Variants in KLRD1 observed in about 807,000 individuals in gnomAD.
KLRD1 encodes killer cell lectin like receptor D1, also known as natural killer cells antigen CD94.
In KLRD1, 21 loss-of-function variants were observed where a neutral mutation model predicts 22.6. The observed-to-expected ratio is 0.93, with a 90% CI of 0.66 to 1.34. The LOEUF is 1.34. KLRD1 is among the 40% of genes most tolerant of loss of function. The pLI, the probability that KLRD1 is intolerant of heterozygous loss-of-function variation, is 0.00. For missense variants in KLRD1, 183 were observed against 208.6 expected, an observed-to-expected ratio of 0.88 and a Z score of 0.76; for synonymous variants, 59 against 71.1, an observed-to-expected ratio of 0.83 and a Z score of 0.85.
chr12:10,272,507 T>G (rs1337251139), intron 1 of KLRD1, among the ~76,000 whole-genome samples: 2 of 152,220 alleles, frequency 1.3e-5, no homozygotes, highest in African/African-American at 4.8e-5. Flanking sequence ...GAAGAGATGA[T>G]TTAGCAATAA....
At chr12:10,243,509 G>A (rs903616664) in intron 1 of KLRD1, among the ~76,000 whole-genome samples, 3 of 149,118 alleles carry the variant, frequency 2.0e-5, no homozygotes, top group Admixed American at 1.4e-4. Flanking sequence ...AGCTACTCAG[G>A]AGGCTGAGGC....
intron 1 of KLRD1, among the ~76,000 whole-genome samples, chr12:10,276,650 T>C (rs999270834): frequency 4.7e-5 from 7 of 149,810 alleles, no homozygotes; most frequent in African/African-American, 1.7e-4. Flanking sequence ...TGCCTCAGCC[T>C]CCCGAGTAGC....
At chr12:10,250,201 CTTTTTTTTTTTTTTTT>C (rs137861212) in intron 1 of KLRD1, among the ~76,000 whole-genome samples, 1 of 94,566 alleles carries the variant, frequency 1.1e-5, no homozygotes, top group Non-Finnish European at 2.0e-5. Flanking sequence ...TAACGTTTTG[CTTTTTTTTTTTTTTTT>C]TTTTTTTTTT....
intron 1 of KLRD1, among the ~76,000 whole-genome samples, chr12:10,262,969 CCAGG>C (rs1458026652): frequency 2.0e-5 from 3 of 151,780 alleles, no homozygotes; most frequent in African/African-American, 4.8e-5. Context: ...GTTAGTTAAC[CCAGG>C]CAGTCAGGAA....
chr12:10,250,031 C>T (rs769726828), intron 1 of KLRD1, among the ~76,000 whole-genome samples: 11 of 152,092 alleles, frequency 7.2e-5, no homozygotes, highest in African/African-American at 2.4e-4. Flanking sequence ...GTTGTACATA[C>T]GTTGTCCGTC....
chr12:10,295,192 C>T (rs549309640), intron 1 of KLRD1, among the ~76,000 whole-genome samples: 16 of 152,264 alleles, frequency 1.1e-4, no homozygotes, highest in African/African-American at 2.9e-4. Flanking sequence ...TGATGTGAAC[C>T]ATGGCTGTTG....
chr12:10,325,473 A>T lies in KLRD1; in HGVS notation c.*10680A>T, dbSNP rs1950352205. ...GTTGTATAGTAGATCTCTATAATTT[A>T]TTCATCTTGCATAATTGAGGCTTTA... is the stretch of plus-strand genomic sequence containing the variant. On this transcript the variant is annotated 3_prime_UTR_variant, in exon 6 of 6. Transcript: ENST00000336164. The T allele has an allele frequency of 6.6e-6, 1 of 152,176 alleles. No individual in the cohort carries two copies. 9.4% of individuals were successfully genotyped at this position (152,176 alleles called of 1,614,324 possible). A position where few individuals can be genotyped will look rare whatever the true frequency, so the allele number is the denominator to read the frequency against.
chr12:10,249,897 C>T (rs896381324), intron 1 of KLRD1, among the ~76,000 whole-genome samples: 6 of 152,130 alleles, frequency 3.9e-5, no homozygotes, highest in Non-Finnish European at 1.5e-5. Context: ...GACCCAATGA[C>T]TTCCTTTGTG....
intron 1 of KLRD1, among the ~76,000 whole-genome samples, chr12:10,249,206 G>A (rs1949322643): frequency 6.6e-6 from 1 of 152,122 alleles, no homozygotes; most frequent in Non-Finnish European, 1.5e-5. Context: ...CAGGGGACAG[G>A]GGAGTTGCTA....
upstream of KLRD1, among the ~76,000 whole-genome samples, chr12:10,303,747 G>C (rs1287457935): frequency 1.1e-4 from 16 of 152,126 alleles, no homozygotes; most frequent in Admixed American, 1.0e-3. Flanking sequence ...TTTCTGGCAT[G>C]CATCCCCAAA....
chr12:10,252,240 C>A (rs1949352689), intron 1 of KLRD1, among the ~76,000 whole-genome samples: 1 of 152,028 alleles, frequency 6.6e-6, no homozygotes, highest in Non-Finnish European at 1.5e-5. Flanking sequence ...ATTTTGAGAC[C>A]AGCTTCAGCA....
chr12:10,245,879 G>GCTTCAACA (rs1949286022), intron 1 of KLRD1, among the ~76,000 whole-genome samples: 1 of 152,104 alleles, frequency 6.6e-6, no homozygotes, highest in Non-Finnish European at 1.5e-5. Context: ...AAGTGCAGTG[G>GCTTCAACA]CATGATCACA....
In KLRD1 at chr12:10,272,795, TTTTTC is replaced by T. The variant is rs1220366017; in HGVS notation, c.-100-35178_-100-35174del. 4.6e-5 allele frequency among the ~76,000 whole-genome samples: 7 copies of T among 152,328 alleles called. No individual in the cohort carries two copies. In the South Asian group the frequency reaches 1.4e-3, roughly 32 times the overall value. On this transcript the variant is annotated intron_variant, in intron 1 of 5. Transcript: ENST00000544747. ...ATGTACTCTTACAAATTAAATTTGT[TTTTTC>T]TTTTATGTATGATGAACCACTTTTT...
chr12:10,280,037 C>G (rs997004449), intron 1 of KLRD1, among the ~76,000 whole-genome samples: 12 of 152,294 alleles, frequency 7.9e-5, no homozygotes, highest in African/African-American at 2.6e-4. Flanking sequence ...TATTTTTCAT[C>G]AGAAATGTCT....
intron 1 of KLRD1, among the ~76,000 whole-genome samples, chr12:10,240,289 G>A (rs948384995): frequency 6.6e-5 from 10 of 152,028 alleles, no homozygotes; most frequent in Non-Finnish European, 1.5e-4. Flanking sequence ...TTGAGCTCCT[G>A]AGCTCAAGCG....
chr12:10,297,114 A>C (rs1413858958), intron 1 of KLRD1, among the ~76,000 whole-genome samples: 1 of 152,180 alleles, frequency 6.6e-6, no homozygotes. Context: ...ATTCATCTTC[A>C]CCCAGGTTAT....
chr12:10,260,980 T>TAAAA (rs1186236537), intron 1 of KLRD1, among the ~76,000 whole-genome samples: 7 of 142,250 alleles, frequency 4.9e-5, no homozygotes, highest in East Asian at 4.0e-4. Context: ...AAAAAAAATT[T>TAAAA]TTTTGAGGTA....
chr12:10,253,295 C>T (rs1949362024), intron 1 of KLRD1, among the ~76,000 whole-genome samples: 1 of 152,160 alleles, frequency 6.6e-6, no homozygotes, highest in East Asian at 1.9e-4. Flanking sequence ...TTGCAGCTGT[C>T]CCGCAGGTCA....
At chr12:10,261,423 A>T (rs1468163978) in intron 1 of KLRD1, among the ~76,000 whole-genome samples, 5 of 152,172 alleles carry the variant, frequency 3.3e-5, no homozygotes, top group African/African-American at 1.2e-4. Context: ...GCTTGCTAGG[A>T]TCTACTGCGG....
Sources: allele counts gnomAD v4.1 joint callset (sites outside exome capture counted in the v4.1 genomes callset), GRCh38; gene constraint gnomAD v4.1.1; transcripts MANE v1.5; gene names NCBI Gene and HGNC (gene_info 2026-07-23, HGNC 2026-07-21).